The following FER variants were observed in gnomAD, a reference collection of about 807,000 sequenced individuals.
FER encodes the protein FER tyrosine kinase.
Under a neutral mutation model 111.0 loss-of-function variants are expected in FER, and 63 were observed. That is an observed-to-expected ratio of 0.57 (90% confidence interval 0.46 to 0.70). FER has a LOEUF of 0.70. Among genes scored for constraint, FER ranks in the 30% least tolerant of loss-of-function variants. The probability of loss-of-function intolerance (pLI) is 0.00; values close to 1 mark genes in which losing one functional copy is unlikely to be tolerated. For synonymous variants in FER, 327 were observed against 313.9 expected (o/e 1.04, Z -0.44); for missense variants, 914 against 954.0 (o/e 0.96, Z 0.55).
rs1264276588 is a variant in FER, at chr5:108,871,364, G to A, written c.666-1G>A. On this transcript the variant is annotated splice_acceptor_variant, in intron 6 of 19. Coordinates refer to ENST00000281092, the MANE Select transcript of FER (RefSeq NM_005246.4). LOFTEE classifies it high-confidence loss of function. ...CTGCAAAATTTTATTTTTGTTTTCA[G>A]CAAAGGTATATTTGATGAATACAGC... 1 of 1,602,026 alleles carries A rather than the reference G, an allele frequency of 6.2e-7. No individual in the cohort carries two copies. The highest frequency in any genetic ancestry group is 8.5e-7 in the Non-Finnish European group (1 of 1,174,952).
chr5:109,062,014 A>G (rs921503764), intron 16 of FER, among the ~76,000 whole-genome samples: 2 of 110,038 alleles, frequency 1.8e-5, no homozygotes, highest in African/African-American at 6.3e-5. Flanking sequence ...CTCTTGAATT[A>G]TGAATACTTT....
At chr5:109,183,441 G>A (rs1024611757) in intron 18 of FER, among the ~76,000 whole-genome samples, 6 of 151,988 alleles carry the variant, frequency 3.9e-5, no homozygotes, top group Admixed American at 6.6e-5. Context: ...TAGAGACAGG[G>A]TTTTACCATA....
intron 17 of FER, among the ~76,000 whole-genome samples, chr5:109,121,293 T>C (rs1250597856): frequency 6.6e-6 from 1 of 152,154 alleles, no homozygotes; most frequent in African/African-American, 2.4e-5. Context: ...TCAGAGGGTT[T>C]TTATCATGAA....
At chr5:108,957,248 A>T (rs1758544584) in intron 12 of FER, among the ~76,000 whole-genome samples, 1 of 151,676 alleles carries the variant, frequency 6.6e-6, no homozygotes, top group African/African-American at 2.4e-5. Flanking sequence ...TCATGTACTC[A>T]TGCATTCATG....
intron 16 of FER, among the ~76,000 whole-genome samples, chr5:109,059,360 TA>T (rs569822598): frequency 0.35 from 47,932 of 136,264 alleles, 8,124 homozygotes; most frequent in African/African-American, 0.46. Context: ...CTGCCTCTAC[TA>T]AAAAAAAAAA....
At chr5:108,815,176 G>A (rs1257161690) in intron 3 of FER, among the ~76,000 whole-genome samples, 1 of 152,038 alleles carries the variant, frequency 6.6e-6, no homozygotes, top group Non-Finnish European at 1.5e-5. Flanking sequence ...ATGCTGCAAT[G>A]GATAACTTTG....
Position 109,142,405 on chromosome 5 carries a change from C to CA in FER, c.2049-38341dup, listed in dbSNP as rs1332367003. ...TATTGTTTGATGGTGAGCCACTGAA[C>CA]AGGTGTAGGAAATATACAAACAGGC... On this transcript the variant is annotated intron_variant, in intron 17 of 19. Coordinates refer to ENST00000281092, the MANE Select transcript of FER (RefSeq NM_005246.4). Among the ~76,000 whole-genome samples, 3 of 152,128 alleles carry CA rather than the reference C, an allele frequency of 2.0e-5. No homozygotes were observed. The East Asian group carries it at 5.8e-4, about 29-fold the overall frequency.
At chr5:109,125,487 G>A (rs1419047689) in intron 17 of FER, among the ~76,000 whole-genome samples, 1 of 152,248 alleles carries the variant, frequency 6.6e-6, no homozygotes, top group East Asian at 1.9e-4. Flanking sequence ...TCCTACTGCA[G>A]TCATATTTTT....
chr5:109,034,662 CTTTG>C (rs1262967152), intron 13 of FER, among the ~76,000 whole-genome samples: 24 of 151,862 alleles, frequency 1.6e-4, no homozygotes, highest in South Asian at 2.1e-4. Flanking sequence ...TAGGGGTTTT[CTTTG>C]TTTGGTTGTT....
intron 10 of FER, among the ~76,000 whole-genome samples, chr5:108,932,249 C>T (rs554741702): frequency 1.3e-5 from 2 of 152,136 alleles, no homozygotes; most frequent in African/African-American, 4.8e-5. Context: ...TCAACTCCCA[C>T]TTATGAGTGA....
At chr5:109,018,379 G>C (rs555378395) in intron 13 of FER, among the ~76,000 whole-genome samples, 1 of 151,832 alleles carries the variant, frequency 6.6e-6, no homozygotes, top group Admixed American at 6.6e-5. Flanking sequence ...GCTTTAAGAT[G>C]AAGTTAAAAT....
chr5:109,168,362 A>G (rs1561983392), intron 17 of FER, among the ~76,000 whole-genome samples: 1 of 152,126 alleles, frequency 6.6e-6, no homozygotes, highest in Non-Finnish European at 1.5e-5. Flanking sequence ...CCTAGTCACC[A>G]GAAAGACCAA....
At chr5:108,942,532 A>C (rs541774598) in intron 10 of FER, among the ~76,000 whole-genome samples, 1 of 152,276 alleles carries the variant, frequency 6.6e-6, no homozygotes, top group Non-Finnish European at 1.5e-5. Context: ...AATACTTCTA[A>C]AATGATTTGC....
chr5:108,809,346 T>C (rs904672301), intron 3 of FER, among the ~76,000 whole-genome samples: 1 of 152,236 alleles, frequency 6.6e-6, no homozygotes, highest in African/African-American at 2.4e-5. Flanking sequence ...GACATGTATT[T>C]AGGCTCTGAA....
intron 3 of FER, among the ~76,000 whole-genome samples, chr5:108,810,431 G>A (rs1344034189): frequency 6.6e-6 from 1 of 152,208 alleles, no homozygotes; most frequent in Non-Finnish European, 1.5e-5. Flanking sequence ...GGGCCGGACT[G>A]GGCAGGCCTG....
chr5:109,095,158 G>A (rs6594347), intron 16 of FER, among the ~76,000 whole-genome samples: 10,442 of 152,092 alleles, frequency 0.069, 908 homozygotes, highest in African/African-American at 0.2. Flanking sequence ...AAAGACTGAT[G>A]ATATTTATTA....
chr5:109,154,934 A>G (rs1286939434), intron 17 of FER, among the ~76,000 whole-genome samples: 3 of 151,912 alleles, frequency 2.0e-5, no homozygotes, highest in Non-Finnish European at 4.4e-5. Context: ...AATATCTTTT[A>G]TGAGTCCTAT....
At chr5:108,933,963 T>A (rs1218051827) in intron 10 of FER, among the ~76,000 whole-genome samples, 1 of 152,206 alleles carries the variant, frequency 6.6e-6, no homozygotes, top group Non-Finnish European at 1.5e-5. Flanking sequence ...ATCCTGAGAC[T>A]GCTGAAGTTC....
intron 17 of FER, among the ~76,000 whole-genome samples, chr5:109,157,934 G>A (rs73779040): frequency 0.12 from 18,832 of 152,112 alleles, 1,224 homozygotes; most frequent in Non-Finnish European, 0.14. Context: ...AGTGAGATAC[G>A]TGACGAATAT....
Sources: gnomAD v4.1 joint callset for allele counts (sites outside exome capture counted in the v4.1 genomes callset) on GRCh38, gnomAD v4.1.1 for gene constraint, MANE v1.5 for transcripts, NCBI Gene and HGNC (gene_info 2026-07-23, HGNC 2026-07-21) for gene names.